Variants in CDH9 observed in about 807,000 individuals in gnomAD.
CDH9 encodes the protein cadherin 9.
A neutral mutation model predicts 70.9 loss-of-function variants in CDH9; 28 were observed. The observed-to-expected ratio is 0.40, with a 90% CI of 0.29 to 0.54. The LOEUF (loss-of-function observed/expected upper bound fraction) is 0.54. CDH9 is among the 20% of genes least tolerant of loss of function. The pLI is 0.59. For synonymous variants in CDH9, 409 were observed against 343.1 expected (o/e 1.19, Z -2.12); for missense variants, 874 against 984.4 (o/e 0.89, Z 1.50).
chr5:26,963,508 A>T (rs1742075227), intron 2 of CDH9, among the ~76,000 whole-genome samples: 2 of 152,172 alleles, frequency 1.3e-5, no homozygotes, highest in African/African-American at 4.8e-5. Context: ...TTTATAACTT[A>T]TTGAAAAGTT....
In CDH9 at chr5:26,905,972, A is replaced by T; in HGVS notation, c.798T>A (p.Pro266=). The T allele has an allele frequency of 6.2e-7, 1 of 1,613,296 alleles. No homozygotes were observed. The highest frequency in any genetic ancestry group is 2.2e-5 in the East Asian group (1 of 44,850). Residue 266 remains proline (P), a synonymous_variant, in exon 5 of 12, where the codon CCT becomes CCA. Coordinates refer to ENST00000231021, the MANE Select transcript of CDH9 (RefSeq NM_016279.4). The stretch of plus-strand genomic sequence containing the variant: ...AACATTTCTTACTCTGGGGAAATCG[A>T]GGAGGGTTGTTGTTGACATCTGTCA... ...ITLTDVNNNP[P]RFPQSTYQFN...
intron 2 of CDH9, among the ~76,000 whole-genome samples, chr5:26,964,796 C>T (rs1461389617): frequency 1.3e-5 from 2 of 148,784 alleles, no homozygotes; most frequent in Non-Finnish European, 3.0e-5. Flanking sequence ...CCCACCACCC[C>T]CCAACAGGCC....
intron 2 of CDH9, among the ~76,000 whole-genome samples, chr5:26,955,544 A>C (rs2112053417): frequency 6.6e-6 from 1 of 150,822 alleles, no homozygotes; most frequent in African/African-American, 2.4e-5. Flanking sequence ...TTCACGTGAT[A>C]TCTCTCAGAT....
intron 1 of CDH9, among the ~76,000 whole-genome samples, chr5:27,034,356 C>T (rs1481916009): frequency 2.6e-5 from 4 of 151,540 alleles, no homozygotes; most frequent in Non-Finnish European, 5.9e-5. Flanking sequence ...GCTCGTGTTT[C>T]ATCGATCAAT....
At chr5:26,907,280 T>C (rs1449503019) in intron 3 of CDH9, among the ~76,000 whole-genome samples, 1 of 152,036 alleles carries the variant, frequency 6.6e-6, no homozygotes, top group East Asian at 1.9e-4. Flanking sequence ...CTGTAAATGG[T>C]AAATAAAATA....
In CDH9 at chr5:26,896,818, C is replaced by G. The variant is rs189419470; in HGVS notation, c.1253+5658G>C. Among the ~76,000 whole-genome samples the G allele has an allele frequency of 5.6e-3, 846 of 151,858 alleles. 3 individuals are homozygous for G. Among genetic ancestry groups the G allele is most frequent in the Non-Finnish European group, 9.3e-3 (632 of 67,904 alleles). On this transcript the variant is annotated intron_variant, in intron 7 of 11. Transcript: ENST00000231021. ...GCAGAAGACAAGAAATAACTAACAT[C>G]AGAGCAGAGCTGAAGGAGATAGAGA... is the stretch of plus-strand genomic sequence containing the variant.
At chr5:26,955,318 C>T (rs1382150532) in intron 2 of CDH9, among the ~76,000 whole-genome samples, 1 of 152,190 alleles carries the variant, frequency 6.6e-6, no homozygotes, top group Non-Finnish European at 1.5e-5. Context: ...CAACCACAAC[C>T]TTTGTGTCCT....
At chr5:26,996,752 A>G (rs959764090) in intron 1 of CDH9, among the ~76,000 whole-genome samples, 2 of 151,420 alleles carry the variant, frequency 1.3e-5, no homozygotes, top group Non-Finnish European at 2.9e-5. Context: ...CTATATATCT[A>G]TATCTATATC....
chr5:26,884,848 T>A (rs1740533202), intron 11 of CDH9, among the ~76,000 whole-genome samples: 1 of 152,196 alleles, frequency 6.6e-6, no homozygotes. Flanking sequence ...AACTGTTTAA[T>A]TGAATTAAAT....
chr5:26,979,647 C>T (rs1340357402), intron 2 of CDH9, among the ~76,000 whole-genome samples: 2 of 151,622 alleles, frequency 1.3e-5, no homozygotes, highest in African/African-American at 2.4e-5. Context: ...TAAATCCTTA[C>T]AGCTGGATTT....
intron 2 of CDH9, among the ~76,000 whole-genome samples, chr5:26,961,335 T>C (rs563659041): frequency 3.7e-4 from 57 of 152,158 alleles, no homozygotes; most frequent in Non-Finnish European, 7.8e-4. Context: ...TACCATATTG[T>C]GCACTAGATC....
At chr5:27,031,752 G>A (rs757650098) in intron 1 of CDH9, among the ~76,000 whole-genome samples, 5 of 151,826 alleles carry the variant, frequency 3.3e-5, no homozygotes, top group African/African-American at 7.3e-5. Flanking sequence ...CAATGTAAAC[G>A]GTTGTGTGAC....
chr5:26,917,620 G>C (rs935647356), intron 2 of CDH9, among the ~76,000 whole-genome samples: 2 of 151,936 alleles, frequency 1.3e-5, no homozygotes, highest in African/African-American at 4.8e-5. Flanking sequence ...TCCTTTGCAA[G>C]CTCAGCATCA....
intron 1 of CDH9, among the ~76,000 whole-genome samples, chr5:27,011,633 A>G (rs1376583281): frequency 1.3e-5 from 2 of 152,108 alleles, no homozygotes; most frequent in Non-Finnish European, 2.9e-5. Flanking sequence ...GGAAACTTAT[A>G]GTGTTAAAGT....
intron 1 of CDH9, among the ~76,000 whole-genome samples, chr5:27,007,509 T>C (rs969297173): frequency 2.6e-5 from 4 of 152,158 alleles, no homozygotes; most frequent in African/African-American, 7.2e-5. Context: ...CAAGAGTTTA[T>C]TATGAATTTT....
chr5:27,001,648 T>C (rs180679941), intron 1 of CDH9, among the ~76,000 whole-genome samples: 8 of 152,252 alleles, frequency 5.3e-5, no homozygotes, highest in African/African-American at 1.9e-4. Context: ...TCAGCTGAGA[T>C]AGCCTAAAAG....
intron 2 of CDH9, among the ~76,000 whole-genome samples, chr5:26,967,111 ATTTTTATTTTATTTTAT>A (rs565138674): frequency 1.4e-3 from 205 of 151,380 alleles, no homozygotes; most frequent in African/African-American, 4.7e-3. Flanking sequence ...TTTTTATTTT[ATTTTTATTTTATTTTAT>A]TTTTTTGTGG....
intron 1 of CDH9, among the ~76,000 whole-genome samples, chr5:27,026,825 T>G (rs950338688): frequency 5.9e-5 from 9 of 152,032 alleles, no homozygotes; most frequent in Non-Finnish European, 1.2e-4. Context: ...TCAAATTAAT[T>G]TTGGTGAATG....
chr5:26,997,440 T>G (rs952145066), intron 1 of CDH9, among the ~76,000 whole-genome samples: 1 of 152,194 alleles, frequency 6.6e-6, no homozygotes, highest in Admixed American at 6.5e-5. Context: ...GCCAAGATAC[T>G]ATTATATCTA....
Sources: gnomAD v4.1 joint callset for allele counts (sites outside exome capture counted in the v4.1 genomes callset) on GRCh38, gnomAD v4.1.1 for gene constraint, MANE v1.5 for transcripts, NCBI Gene and HGNC (gene_info 2026-07-23, HGNC 2026-07-21) for gene names.